LCP1: variants seen among roughly 807,000 people sequenced by gnomAD.
The protein encoded by LCP1 is lymphocyte cytosolic protein 1.
LCP1 carries 23 observed loss-of-function variants against 72.0 expected under a neutral mutation model. The ratio of observed to expected loss-of-function variants is 0.32; its 90% confidence interval spans 0.23 to 0.45. The LOEUF (loss-of-function observed/expected upper bound fraction) is 0.45. Among genes scored for constraint, LCP1 ranks in the 20% least tolerant of loss-of-function variants. LCP1 has a pLI of 1.00. For synonymous variants in LCP1, 245 were observed against 275.4 expected (o/e 0.89, Z 1.09); for missense variants, 571 against 748.3 (o/e 0.76, Z 2.76).
chr13:46,159,835 A>G, intron 1 of LCP1, 149 bp from the exon 2 acceptor site: 2 of 612,454 alleles, frequency 3.3e-6, no homozygotes, highest in South Asian at 3.9e-5. Flanking sequence ...GTAAGTCAGA[A>G]ATACGCTTTT....
intron 1 of LCP1, among the ~76,000 whole-genome samples, chr13:46,176,352 A>G (rs918466384): frequency 2.7e-5 from 4 of 147,234 alleles, no homozygotes; most frequent in African/African-American, 1.0e-4. Context: ...AATAAATAAA[A>G]ACTGAAAAAA....
intron 1 of LCP1, among the ~76,000 whole-genome samples, chr13:46,180,576 G>A (rs1038276145): frequency 1.3e-5 from 2 of 152,218 alleles, no homozygotes. Context: ...CACCACAGCA[G>A]TGCTTGTTCA....
At position 46,151,054 on chromosome 13, in the gene LCP1, C is replaced by T; in HGVS notation, c.764G>A (p.Gly255Asp). ...TTTCATCAAATCCTCCAGGCTCTCA[C>T]CTTCTCTCAAAAGAGCAATCAGAGC... ...NEALIALLRE[G>D]ESLEDLMKLS... is the part of the protein sequence containing the mutation. The change falls in exon 8 of 16, where the codon GGT becomes GAT. Residue 255 changes from glycine (G) to aspartate (D), a missense_variant. Gly to Asp is a moderately conservative substitution (Grantham distance 94). Transcript: ENST00000323076. 6.2e-7 allele frequency: 1 copy of T among 1,613,822 alleles called. No individual in the cohort carries two copies. Among genetic ancestry groups the T allele is most frequent in the Non-Finnish European group, 8.5e-7 (1 of 1,179,946 alleles).
chr13:46,179,370 G>A (rs1361039362), intron 1 of LCP1, among the ~76,000 whole-genome samples: 1 of 152,038 alleles, frequency 6.6e-6, no homozygotes, highest in Non-Finnish European at 1.5e-5. Context: ...GTAAGAAGCT[G>A]AGAAAAAAAA....
intron 1 of LCP1, among the ~76,000 whole-genome samples, chr13:46,180,859 T>A (rs1355735314): frequency 6.6e-6 from 1 of 152,256 alleles, no homozygotes; most frequent in Non-Finnish European, 1.5e-5. Context: ...TAGTCTGTTC[T>A]TTTACGGGGT....
In LCP1 at chr13:46,128,653, C is replaced by G. The variant is rs188855226; in HGVS notation, c.1752-930G>C. Among the ~76,000 whole-genome samples the G allele has an allele frequency of 3.1e-3, 475 of 151,992 alleles. 1 individual carries two copies. The highest frequency in any genetic ancestry group is 5.5e-3 in the Non-Finnish European group (375 of 67,948). On this transcript the variant is annotated intron_variant, in intron 15 of 15. Transcript: ENST00000323076. ...CAATTTTTTTATTCTTTGTTCCATTCCAATTCTTGCCCACATATATTTGTA... is the reference window on the plus strand; with the variant it reads ...CAATTTTTTTATTCTTTGTTCCATTGCAATTCTTGCCCACATATATTTGTA...
At chr13:46,178,199 C>T (rs2045940814) in intron 1 of LCP1, among the ~76,000 whole-genome samples, 1 of 152,134 alleles carries the variant, frequency 6.6e-6, no homozygotes, top group Admixed American at 6.5e-5. Context: ...AGGGTTAAAG[C>T]ACTTAGAAAA....
chr13:46,146,412 A>C (rs1409489880), intron 10 of LCP1, among the ~76,000 whole-genome samples: 1 of 152,258 alleles, frequency 6.6e-6, no homozygotes, highest in Non-Finnish European at 1.5e-5. Context: ...GTTGAATCTT[A>C]GAGCATTAAC....
chr13:46,127,055 C>A lies in LCP1; in HGVS notation c.*536G>T, dbSNP rs906564994. On this transcript the variant is annotated 3_prime_UTR_variant, in exon 16 of 16. Transcript: ENST00000323076. The stretch of plus-strand genomic sequence containing the variant: ...ACAAGGACGGCCAGAAGAGATGGGC[C>A]CCCCCGGAAGGCATGGTTCCAAAAG... 4.8e-5 allele frequency: 11 copies of A among 230,992 alleles called. No individual in the cohort carries two copies. The highest frequency in any genetic ancestry group is 9.4e-5 in the Non-Finnish European group (11 of 116,846). The allele number at this position is 230,992 out of a possible 1,614,324, so 14.3% of individuals were successfully genotyped here. A position where few individuals can be genotyped will look rare whatever the true frequency, so the allele number is the denominator to read the frequency against.
At chr13:46,142,512 T>C in intron 12 of LCP1, 87 bp from the exon 13 acceptor site, 2 of 1,419,950 alleles carry the variant, frequency 1.4e-6, no homozygotes, top group Non-Finnish European at 1.9e-6. Flanking sequence ...AGATAAAAAA[T>C]GAAATAAATA....
intron 1 of LCP1, among the ~76,000 whole-genome samples, chr13:46,177,643 G>A (rs1248883936): frequency 1.3e-5 from 2 of 152,218 alleles, no homozygotes; most frequent in South Asian, 4.2e-4. Flanking sequence ...AGGTTTCAGT[G>A]AGCCGAGATC....
At chr13:46,167,867 A>T (rs903746962) in intron 1 of LCP1, among the ~76,000 whole-genome samples, 2 of 152,228 alleles carry the variant, frequency 1.3e-5, no homozygotes, top group Non-Finnish European at 1.5e-5. Context: ...CAGCACATGG[A>T]TTACAGCTAA....
chr13:46,163,406 A>AT (rs2045857198), intron 1 of LCP1, among the ~76,000 whole-genome samples: 2 of 152,172 alleles, frequency 1.3e-5, no homozygotes, highest in Non-Finnish European at 2.9e-5. Flanking sequence ...GCGGTGCCAG[A>AT]TGTGCTTTGT....
At chr13:46,128,003 G>GTTT (rs11398954) in intron 15 of LCP1, among the ~76,000 whole-genome samples, 2 of 126,982 alleles carry the variant, frequency 1.6e-5, no homozygotes, top group Non-Finnish European at 1.7e-5. Context: ...TTTAAGTTAA[G>GTTT]TTTTTTTTTT....
chr13:46,150,991 T>C lies in LCP1; in HGVS notation c.827A>G (p.Tyr276Cys), dbSNP rs900522250. ...GTTGCAGCCTGCATTTTCCAGGTGG[T>C]AATTAGCCCACCTCAGCAAGAGCTC... ...PEELLLRWANYHLENAGCNKI... is the reference protein window; with the variant it reads ...PEELLLRWANCHLENAGCNKI... The change falls in exon 8 of 16, where the codon TAC becomes TGC. Residue 276 changes from tyrosine to cysteine, a missense_variant. Transcript: ENST00000323076. 9.9e-6 allele frequency: 16 copies of C among 1,613,766 alleles called. No homozygotes were observed. The highest frequency in any genetic ancestry group is 1.4e-5 in the Non-Finnish European group (16 of 1,179,780).
intron 1 of LCP1, among the ~76,000 whole-genome samples, chr13:46,164,249 C>T (rs922108293): frequency 1.3e-5 from 2 of 152,064 alleles, no homozygotes; most frequent in African/African-American, 2.4e-5. Flanking sequence ...CTAAGTGTCA[C>T]AAGTAGGGCC....
At chr13:46,129,708 G>A (rs1018353397) in intron 15 of LCP1, among the ~76,000 whole-genome samples, 2 of 152,088 alleles carry the variant, frequency 1.3e-5, no homozygotes, top group Non-Finnish European at 2.9e-5. Flanking sequence ...CAGGGATGCC[G>A]GGCACTAGAT....
chr13:46,162,246 T>C (rs185325701), intron 1 of LCP1, among the ~76,000 whole-genome samples: 23 of 126,554 alleles, frequency 1.8e-4, no homozygotes, highest in Non-Finnish European at 3.1e-4. Context: ...GAGTTCTCCC[T>C]CTCCCTCCCC....
chr13:46,163,124 C>T (rs1184880038), intron 1 of LCP1, among the ~76,000 whole-genome samples: 1 of 152,226 alleles, frequency 6.6e-6, no homozygotes, highest in African/African-American at 2.4e-5. Context: ...GCCGCCACCC[C>T]GTCTGGGAGG....
Sources: gnomAD v4.1 joint callset for allele counts (sites outside exome capture counted in the v4.1 genomes callset) on GRCh38, gnomAD v4.1.1 for gene constraint, MANE v1.5 for transcripts, NCBI Gene and HGNC (gene_info 2026-07-23, HGNC 2026-07-21) for gene names.